Variants in NEGR1 observed in about 807,000 individuals in gnomAD.
The protein encoded by NEGR1 is neuronal growth regulator 1.
In NEGR1, 10 loss-of-function variants were observed where a neutral mutation model predicts 40.9. That is an observed-to-expected ratio of 0.24 (90% CI 0.15 to 0.42). The LOEUF is 0.42. Among genes scored for constraint, NEGR1 ranks in the 10% least tolerant of loss-of-function variants. The pLI, the probability that NEGR1 is intolerant of heterozygous loss-of-function variation, is 1.00. For missense variants in NEGR1, 352 were observed against 438.9 expected, an observed-to-expected ratio of 0.80 and a Z score of 1.77; for synonymous variants, 185 against 166.8, an observed-to-expected ratio of 1.11 and a Z score of -0.84.
chr1:71,839,198 CTTTTTTTTTTTT>C (rs140520810), intron 2 of NEGR1, among the ~76,000 whole-genome samples: 2 of 80,030 alleles, frequency 2.5e-5, no homozygotes, highest in South Asian at 5.3e-4. Context: ...AGAGACCAGA[CTTTTTTTTTTTT>C]TTTTTTTTTT....
chr1:72,273,002 T>C (rs1313275576), intron 1 of NEGR1, among the ~76,000 whole-genome samples: 1 of 152,002 alleles, frequency 6.6e-6, no homozygotes, highest in Non-Finnish European at 1.5e-5. Flanking sequence ...GCCAGCTGAA[T>C]GCTTATAAGA....
chr1:71,928,030 A>G (rs1257266930), intron 2 of NEGR1, among the ~76,000 whole-genome samples: 1 of 113,950 alleles, frequency 8.8e-6, no homozygotes, highest in Non-Finnish European at 1.7e-5. Context: ...AAATAAATAC[A>G]CACACACACA....
intron 2 of NEGR1, among the ~76,000 whole-genome samples, chr1:71,903,945 T>G (rs1468649004): frequency 1.3e-5 from 2 of 151,992 alleles, no homozygotes; most frequent in Non-Finnish European, 2.9e-5. Flanking sequence ...CCTTCTAATT[T>G]GCATGAGTCT....
Position 72,106,990 on chromosome 1 carries a change from T to G in NEGR1, c.177-171679A>C, listed in dbSNP as rs112358781. On this transcript the variant is annotated intron_variant, in intron 1 of 6. Transcript: ENST00000357731. ...AGAATTGTAAAGGGTTTGGGCTTGA[T>G]TTATATAACATCTTTGAGAAACCAA... is the stretch of plus-strand genomic sequence containing the variant. Among the ~76,000 whole-genome samples the G allele has an allele frequency of 5.6e-3, 844 of 152,006 alleles. 10 individuals are homozygous for G. The highest frequency in any genetic ancestry group is 0.02 in the African/African-American group (814 of 41,546).
chr1:71,546,140 C>T (rs1317307185), intron 6 of NEGR1, among the ~76,000 whole-genome samples: 2 of 151,684 alleles, frequency 1.3e-5, no homozygotes, highest in Non-Finnish European at 3.0e-5. Context: ...ATATAACCAG[C>T]GTTCAGTTAT....
intron 6 of NEGR1, among the ~76,000 whole-genome samples, chr1:71,524,484 T>C (rs1647194001): frequency 6.6e-6 from 1 of 151,688 alleles, no homozygotes; most frequent in Non-Finnish European, 1.5e-5. Context: ...ACTATAAAAG[T>C]CAATATTCAA....
intron 1 of NEGR1, among the ~76,000 whole-genome samples, chr1:72,225,175 A>G (rs1654136655): frequency 6.6e-6 from 1 of 151,952 alleles, no homozygotes; most frequent in Non-Finnish European, 1.5e-5. Flanking sequence ...CAGAATCTAT[A>G]TCATATAGCC....
chr1:72,242,607 T>C (rs1570166144), intron 1 of NEGR1, among the ~76,000 whole-genome samples: 1 of 151,676 alleles, frequency 6.6e-6, no homozygotes, highest in Non-Finnish European at 1.5e-5. Flanking sequence ...AATAATTTAC[T>C]CATGATATTA....
At chr1:71,848,571 G>A (rs1381604977) in intron 2 of NEGR1, among the ~76,000 whole-genome samples, 1 of 152,196 alleles carries the variant, frequency 6.6e-6, no homozygotes, top group African/African-American at 2.4e-5. Context: ...TCTGTTTACA[G>A]TATGGTTTAC....
chr1:71,701,620 C>T (rs1362761708), intron 3 of NEGR1, among the ~76,000 whole-genome samples: 2 of 151,964 alleles, frequency 1.3e-5, no homozygotes, highest in Non-Finnish European at 2.9e-5. Context: ...TGTCTTTTAC[C>T]ATGTAAGGTA....
rs561410447 is a variant in NEGR1, at chr1:71,611,967, A to G, written c.668-821T>C. The stretch of plus-strand genomic sequence containing the variant: ...GCCGAGTGCGGTGGCTCACGCCTGT[A>G]ATCCCAGCAATCTGGGAGGCCGAGG... On this transcript the variant is annotated intron_variant, in intron 4 of 6. Coordinates refer to ENST00000357731, the MANE Select transcript of NEGR1 (RefSeq NM_173808.3). 1.1e-4 allele frequency among the ~76,000 whole-genome samples: 17 copies of G among 152,338 alleles called. No individual in the cohort carries two copies. In the Middle Eastern group the frequency reaches 0.01, roughly 91 times the overall value.
At chr1:71,482,137 A>C (rs1480395236) in intron 6 of NEGR1, among the ~76,000 whole-genome samples, 1 of 151,850 alleles carries the variant, frequency 6.6e-6, no homozygotes, top group Admixed American at 6.6e-5. Context: ...AAGCACTGTT[A>C]ACTCCTCATA....
At chr1:71,818,111 A>C (rs1199184340) in intron 2 of NEGR1, among the ~76,000 whole-genome samples, 1 of 151,994 alleles carries the variant, frequency 6.6e-6, no homozygotes, top group East Asian at 1.9e-4. Flanking sequence ...TTAGTTCAGC[A>C]ATTGTGAAAA....
intron 6 of NEGR1, among the ~76,000 whole-genome samples, chr1:71,546,385 A>G (rs1570012835): frequency 6.6e-6 from 1 of 151,728 alleles, no homozygotes; most frequent in Non-Finnish European, 1.5e-5. Flanking sequence ...AAGATAAATA[A>G]GACAGCATAT....
At chr1:71,729,717 C>G (rs562062190) in intron 3 of NEGR1, among the ~76,000 whole-genome samples, 1 of 152,244 alleles carries the variant, frequency 6.6e-6, no homozygotes, top group South Asian at 2.1e-4. Context: ...TCACTGAAAA[C>G]TCCGACTCTG....
intron 2 of NEGR1, among the ~76,000 whole-genome samples, chr1:71,915,521 A>G (rs1014387768): frequency 6.6e-6 from 1 of 152,134 alleles, no homozygotes; most frequent in African/African-American, 2.4e-5. Context: ...CATTCATTGT[A>G]CTGACTTTGT....
At chr1:72,219,389 T>C (rs568995449) in intron 1 of NEGR1, among the ~76,000 whole-genome samples, 4 of 152,236 alleles carry the variant, frequency 2.6e-5, no homozygotes, top group African/African-American at 9.6e-5. Context: ...GAAATTGTTA[T>C]GTAATTACTC....
intron 1 of NEGR1, among the ~76,000 whole-genome samples, chr1:72,135,411 A>C (rs1459178152): frequency 1.8e-4 from 20 of 114,228 alleles, no homozygotes; most frequent in African/African-American, 4.8e-4. Flanking sequence ...AAACAAAAAA[A>C]AAAACAAAAC....
chr1:71,830,448 A>G (rs1361496070), intron 2 of NEGR1, among the ~76,000 whole-genome samples: 1 of 151,926 alleles, frequency 6.6e-6, no homozygotes, highest in Non-Finnish European at 1.5e-5. Context: ...TGTGTTGAAT[A>G]AAATTTTAAT....
Sources: allele counts gnomAD v4.1 joint callset (sites outside exome capture counted in the v4.1 genomes callset), GRCh38; gene constraint gnomAD v4.1.1; transcripts MANE v1.5; gene names NCBI Gene and HGNC (gene_info 2026-07-23, HGNC 2026-07-21).